DNAH9: variants seen among roughly 807,000 people sequenced by gnomAD.
DNAH9 encodes DNAH9 variant protein.
In DNAH9, 345 loss-of-function variants were observed where a neutral mutation model predicts 471.6. The observed-to-expected ratio is 0.73, with a 90% confidence interval of 0.67 to 0.80. The LOEUF is 0.80. DNAH9 is among the 30% of genes least tolerant of loss of function. The pLI is 0.00. For missense variants in DNAH9, 5,407 were observed against 5,609.2 expected (o/e 0.96, Z 1.15); for synonymous variants, 2,093 against 2,123.6 (o/e 0.99, Z 0.40).
chr17:11,610,598 T>C, intron 3 of DNAH9, 44 bp downstream of exon 3: 1 of 1,590,494 alleles, frequency 6.3e-7, no homozygotes, highest in Non-Finnish European at 8.6e-7. Flanking sequence ...TGAAGATGTC[T>C]TACAGAGACT....
intron 28 of DNAH9, among the ~76,000 whole-genome samples, chr17:11,735,068 AT>A (rs1169612616): frequency 1.3e-5 from 2 of 152,190 alleles, no homozygotes; most frequent in Non-Finnish European, 2.9e-5. Context: ...TTGCATGGGA[AT>A]TGGTTTGGAC....
intron 53 of DNAH9, among the ~76,000 whole-genome samples, chr17:11,875,454 C>T (rs1972438386): frequency 1.3e-5 from 2 of 152,212 alleles, no homozygotes; most frequent in Admixed American, 1.3e-4. Context: ...CTCATCCTCT[C>T]ATTGTCCCTT....
chr17:11,701,163 C>A lies in DNAH9; in HGVS notation c.5067C>A (p.Ala1689=). ...WLNHVLGHMK[A]TVRHEMTEGV... is the part of the protein sequence containing the mutation. ...ACCATGTCCTTGGTCACATGAAGGC[C>A]ACTGTGAGGCATGAGATGACAGAAG... Residue 1689 remains alanine (A), a synonymous_variant, in exon 24 of 69, where the codon GCC becomes GCA. Coordinates refer to ENST00000262442, the MANE Select transcript of DNAH9 (RefSeq NM_001372.4). 1.2e-6 allele frequency: 2 copies of A among 1,614,098 alleles called. No individual in the cohort carries two copies. Among genetic ancestry groups the A allele is most frequent in the Non-Finnish European group, 1.7e-6 (2 of 1,179,980 alleles).
At chr17:11,943,591 A>G (rs1003681793) in intron 67 of DNAH9, among the ~76,000 whole-genome samples, 33 of 152,196 alleles carry the variant, frequency 2.2e-4, no homozygotes, top group African/African-American at 7.0e-4. Context: ...GCAGGAGAAT[A>G]GCGTGAACCT....
intron 29 of DNAH9, among the ~76,000 whole-genome samples, chr17:11,741,178 T>C (rs2075428154): frequency 6.6e-6 from 1 of 152,222 alleles, no homozygotes; most frequent in African/African-American, 2.4e-5. Context: ...TGAAATGTTT[T>C]TGAAAATTTC....
rs1970079506 is a variant in DNAH9 at position 11,815,858 on chromosome 17, A to G, written c.8707+5489A>G. ...TTTTTATTAGTTCCCAACTGGTTGC[A>G]GAATGAACTCCAAGCTTCTTTGTCC... On this transcript the variant is annotated intron_variant, in intron 45 of 68. Transcript: ENST00000262442. Among the ~76,000 whole-genome samples, 3 of 152,234 alleles carry G rather than the reference A, an allele frequency of 2.0e-5. No individual in the cohort carries two copies. In the South Asian group the frequency reaches 6.2e-4, roughly 32 times the overall value.
intron 59 of DNAH9, among the ~76,000 whole-genome samples, chr17:11,900,890 CTAAG>C (rs1247154821): frequency 1.3e-5 from 2 of 152,138 alleles, no homozygotes; most frequent in Non-Finnish European, 2.9e-5. Flanking sequence ...AATTAAGTAT[CTAAG>C]TGAGTGATGT....
chr17:11,743,891 G>A (rs113262021), intron 30 of DNAH9, among the ~76,000 whole-genome samples: 50 of 150,998 alleles, frequency 3.3e-4, no homozygotes, highest in African/African-American at 1.1e-3. Flanking sequence ...GTGCAGTGGC[G>A]TGATCTCGGC....
Position 11,815,567 on chromosome 17 carries a change from T to A in DNAH9, c.8707+5198T>A, listed in dbSNP as rs147811250. Among the ~76,000 whole-genome samples, 511 of 152,196 alleles carry A rather than the reference T, an allele frequency of 3.4e-3. 6 individuals are homozygous for A. Among genetic ancestry groups the A allele is most frequent in the African/African-American group, 0.012 (491 of 41,524 alleles). Reference sequence around the variant, plus strand: ...ACTTTGGGAGGCCAAGATGGGCGGGTCACTTGAGCCCCAGAGTTCAAGGCC... The same window carrying A: ...ACTTTGGGAGGCCAAGATGGGCGGGACACTTGAGCCCCAGAGTTCAAGGCC... On this transcript the variant is annotated intron_variant, in intron 45 of 68. Transcript: ENST00000262442.
chr17:11,780,095 T>C (rs1258317242), intron 38 of DNAH9, among the ~76,000 whole-genome samples: 1 of 152,216 alleles, frequency 6.6e-6, no homozygotes, highest in African/African-American at 2.4e-5. Context: ...CCCTATTACT[T>C]AAGTTTGTTC....
chr17:11,832,752 G>T (rs1027761037), intron 48 of DNAH9, among the ~76,000 whole-genome samples: 1 of 152,118 alleles, frequency 6.6e-6, no homozygotes, highest in Non-Finnish European at 1.5e-5. Context: ...TCTGTTTGAC[G>T]TGTTCCAGGA....
intron 32 of DNAH9, among the ~76,000 whole-genome samples, 155 bp downstream of exon 32, chr17:11,747,921 C>G (rs1456425984): frequency 5.3e-5 from 8 of 152,030 alleles, no homozygotes; most frequent in Non-Finnish European, 1.2e-4. Context: ...AGGGAGAAAC[C>G]AATTTTGGCT....
intron 68 of DNAH9, among the ~76,000 whole-genome samples, chr17:11,963,378 G>A (rs1218741363): frequency 6.6e-6 from 1 of 151,648 alleles, no homozygotes; most frequent in Non-Finnish European, 1.5e-5. Context: ...AGGTTGCAGT[G>A]AGCCGAGATC....
intron 26 of DNAH9, 36 bp downstream of exon 26, chr17:11,705,221 C>G (rs748439643): frequency 6.2e-7 from 1 of 1,601,480 alleles, no homozygotes; most frequent in African/African-American, 1.3e-5. Context: ...AGCCTTACTG[C>G]TGTCTGGTTC....
chr17:11,875,517 A>G (rs57625537), intron 53 of DNAH9, among the ~76,000 whole-genome samples: 2 of 152,146 alleles, frequency 1.3e-5, no homozygotes, highest in Admixed American at 1.3e-4. Context: ...TCTGTGCTTT[A>G]TAAAGTTTTC....
At chr17:11,921,056 G>A (rs576126403) in intron 61 of DNAH9, among the ~76,000 whole-genome samples, 18 of 151,672 alleles carry the variant, frequency 1.2e-4, no homozygotes, top group South Asian at 2.1e-4. Flanking sequence ...CAGGAGGATC[G>A]CTTGAATCTG....
intron 53 of DNAH9, among the ~76,000 whole-genome samples, chr17:11,876,956 GA>G (rs1448116030): frequency 6.6e-6 from 1 of 151,746 alleles, no homozygotes; most frequent in African/African-American, 2.4e-5. Flanking sequence ...TCGCACTCCT[GA>G]CCTTGTGATC....
intron 28 of DNAH9, among the ~76,000 whole-genome samples, chr17:11,733,394 G>C (rs1367970900): frequency 6.6e-6 from 1 of 152,202 alleles, no homozygotes; most frequent in Non-Finnish European, 1.5e-5. Context: ...GCCTGAGTGG[G>C]AGGATACAGG....
intron 61 of DNAH9, among the ~76,000 whole-genome samples, chr17:11,919,719 T>C (rs1475214703): frequency 1.3e-5 from 2 of 152,084 alleles, no homozygotes; most frequent in African/African-American, 4.8e-5. Flanking sequence ...GAGTAGTAAG[T>C]GCGGAAGTAG....
Sources: gnomAD v4.1 joint callset for allele counts (sites outside exome capture counted in the v4.1 genomes callset) on GRCh38, gnomAD v4.1.1 for gene constraint, MANE v1.5 for transcripts, NCBI Gene and HGNC (gene_info 2026-07-23, HGNC 2026-07-21) for gene names.